The following EBF3 variants were observed in gnomAD, a reference collection of about 807,000 sequenced individuals.
EBF3 encodes transcription factor COE3.
Under a neutral mutation model 77.1 loss-of-function variants are expected in EBF3, and 18 were observed. The ratio of observed to expected loss-of-function variants is 0.23; its 90% confidence interval spans 0.16 to 0.35. The LOEUF (loss-of-function observed/expected upper bound fraction) is 0.35. EBF3 is among the 10% of genes least tolerant of loss of function. EBF3 has a pLI of 1.00. For synonymous variants in EBF3, 350 were observed against 343.5 expected, an observed-to-expected ratio of 1.02 and a Z score of -0.21; for missense variants, 558 against 860.0, an observed-to-expected ratio of 0.65 and a Z score of 4.39.
At position 129,963,550 on chromosome 10, in the gene EBF3, G is replaced by T. The variant is rs761181263; in HGVS notation, c.135-27C>A. 3.5e-6 allele frequency: 5 copies of T among 1,437,450 alleles called. No individual in the cohort carries two copies. The highest frequency in any genetic ancestry group is 2.4e-4 in the Middle Eastern group (1 of 4,112). 89.0% of individuals were successfully genotyped at this position (1,437,450 alleles called of 1,614,324 possible). A position where few individuals can be genotyped will look rare whatever the true frequency, so the allele number is the denominator to read the frequency against. On this transcript the variant is annotated intron_variant, in intron 1 of 16. Coordinates refer to ENST00000440978, the MANE Select transcript of EBF3 (RefSeq NM_001375380.1). The surrounding 1 kb of genome is among the most constrained non-coding windows in gnomAD (Gnocchi z 7.1). ...TGCGGGAGGAAAGAGACAGCGGCCC[G>T]GTGAGGAGCGCGGCGCCGGCCGGCG...
intron 6 of EBF3, among the ~76,000 whole-genome samples, chr10:129,886,087 T>A (rs989238083): frequency 3.3e-5 from 5 of 149,868 alleles, no homozygotes; most frequent in African/African-American, 1.2e-4. Context: ...GTGGGAAAGA[T>A]CTTGTTAATC....
chr10:129,922,375 C>A (rs974510897), intron 6 of EBF3, among the ~76,000 whole-genome samples: 1 of 152,214 alleles, frequency 6.6e-6, no homozygotes, highest in African/African-American at 2.4e-5. Flanking sequence ...CCACACAGGC[C>A]CCAGTGCCCA....
intron 6 of EBF3, among the ~76,000 whole-genome samples, chr10:129,886,231 T>G (rs1488397304): frequency 2.6e-5 from 4 of 152,202 alleles, no homozygotes; most frequent in African/African-American, 9.6e-5. Context: ...AGGACACCAG[T>G]GTTGGACCTG....
intron 6 of EBF3, among the ~76,000 whole-genome samples, chr10:129,953,589 G>C (rs757467975): frequency 6.6e-6 from 1 of 152,208 alleles, no homozygotes; most frequent in African/African-American, 2.4e-5. Context: ...CGAGTGGGAC[G>C]CCGGAGACGG....
chr10:129,949,016 G>C (rs1227551993), intron 6 of EBF3, among the ~76,000 whole-genome samples: 1 of 152,212 alleles, frequency 6.6e-6, no homozygotes, highest in Non-Finnish European at 1.5e-5. Context: ...AAACTTAAGA[G>C]GCACTCGTGC....
chr10:129,941,395 T>C (rs1857726190), intron 6 of EBF3, among the ~76,000 whole-genome samples: 1 of 152,146 alleles, frequency 6.6e-6, no homozygotes, highest in African/African-American at 2.4e-5. Context: ...TCACAAAAGG[T>C]GTGCCAGGCA....
chr10:129,895,306 C>T (rs1035696376), intron 6 of EBF3, among the ~76,000 whole-genome samples: 3 of 152,206 alleles, frequency 2.0e-5, no homozygotes, highest in African/African-American at 7.2e-5. Context: ...GGATGCCTCT[C>T]CCCCAGCCAG....
intron 6 of EBF3, among the ~76,000 whole-genome samples, chr10:129,880,579 T>C (rs569263233): frequency 7.9e-5 from 12 of 152,368 alleles, no homozygotes; most frequent in African/African-American, 2.9e-4. Flanking sequence ...TAGTTTCTGC[T>C]TCTATCCAAA....
rs891933712 is a variant in EBF3 at position 129,885,668 on chromosome 10, T to C, written c.555-7819A>G. 9.2e-5 allele frequency among the ~76,000 whole-genome samples: 14 copies of C among 152,184 alleles called. No homozygotes were observed. The highest frequency in any genetic ancestry group is 7.9e-4 in the Admixed American group (12 of 15,282). On this transcript the variant is annotated intron_variant, in intron 6 of 16. Coordinates refer to ENST00000440978, the MANE Select transcript of EBF3 (RefSeq NM_001375380.1). This position sits in a 1 kb window ranked among gnomAD's most constrained non-coding sequence, Gnocchi z 4.0. ...GCAGATCACGCGCCCTGTCAATCAG[T>C]CTGTATTTTGTCTTTCGCTGCGGGC...
intron 6 of EBF3, among the ~76,000 whole-genome samples, chr10:129,886,208 T>C (rs764045262): frequency 1.3e-5 from 2 of 152,236 alleles, no homozygotes; most frequent in Non-Finnish European, 2.9e-5. Context: ...AAATCAAGCC[T>C]GTGCATGCAC....
At chr10:129,891,761 C>T (rs1434120800) in intron 6 of EBF3, among the ~76,000 whole-genome samples, 1 of 152,226 alleles carries the variant, frequency 6.6e-6, no homozygotes, top group East Asian at 1.9e-4. Flanking sequence ...CAGAGGCCCA[C>T]AGCCCACTTT....
intron 4 of EBF3, among the ~76,000 whole-genome samples, chr10:129,961,857 C>G (rs1231941686): frequency 6.6e-6 from 1 of 152,024 alleles, no homozygotes; most frequent in Non-Finnish European, 1.5e-5. Context: ...GAGAGAGAAG[C>G]ATTTAAAAAT....
At chr10:129,960,073 G>T (rs1219157570) in intron 4 of EBF3, among the ~76,000 whole-genome samples, 5 of 151,764 alleles carry the variant, frequency 3.3e-5, no homozygotes, top group African/African-American at 1.2e-4. Flanking sequence ...CGCCCGCCCG[G>T]GCTGGGCCTC....
In EBF3 at chr10:129,943,943, C is replaced by T. The variant is rs1342678566; in HGVS notation, c.554+13315G>A. ...AAAACCAGTCGCTCTGAGGGTGCAGCGCGTGTGTCCATGGGTAAAATATCT... is the reference window on the plus strand; with the variant it reads ...AAAACCAGTCGCTCTGAGGGTGCAGTGCGTGTGTCCATGGGTAAAATATCT... On this transcript the variant is annotated intron_variant, in intron 6 of 16. Coordinates refer to ENST00000440978, the MANE Select transcript of EBF3 (RefSeq NM_001375380.1). This position sits in a 1 kb window ranked among gnomAD's most constrained non-coding sequence, Gnocchi z 8.8. Among the ~76,000 whole-genome samples the T allele has an allele frequency of 6.6e-6, 1 of 152,168 alleles. No individual in the cohort carries two copies. Among genetic ancestry groups the T allele is most frequent in the Non-Finnish European group, 1.5e-5 (1 of 68,032 alleles).
chr10:129,962,299 G>C (rs1859586080), intron 3 of EBF3, 73 bp from the exon 4 acceptor site: 9 of 1,469,018 alleles, frequency 6.1e-6, no homozygotes, highest in Admixed American at 1.7e-5. Flanking sequence ...CGGAGCACAG[G>C]AAGTCTGTAA....
At chr10:129,844,313 AAAGT>A (rs1341331250) in intron 11 of EBF3, among the ~76,000 whole-genome samples, 3 of 152,254 alleles carry the variant, frequency 2.0e-5, no homozygotes, top group African/African-American at 7.2e-5. Context: ...GACTGGACAA[AAAGT>A]AAGGCAGGTG....
rs558112824 is a variant in EBF3, at chr10:129,932,366, A to G, written c.554+24892T>C. Among the ~76,000 whole-genome samples the G allele has an allele frequency of 1.2e-4, 19 of 152,316 alleles. No individual in the cohort carries two copies. The East Asian group carries it at 3.1e-3, about 25-fold the overall frequency. ...CCCCTGCAACAAGGCGACAAGGGCC[A>G]CTTGCTTGGCATGTGGCAAAGGGTG... On this transcript the variant is annotated intron_variant, in intron 6 of 16. Coordinates refer to ENST00000440978, the MANE Select transcript of EBF3 (RefSeq NM_001375380.1).
At chr10:129,851,007 C>T (rs970932990) in intron 10 of EBF3, among the ~76,000 whole-genome samples, 3 of 152,342 alleles carry the variant, frequency 2.0e-5, no homozygotes, top group African/African-American at 7.2e-5. Flanking sequence ...CACGTCCAGT[C>T]ACAGAGCCCC....
chr10:129,929,368 G>T (rs1176799379), intron 6 of EBF3, among the ~76,000 whole-genome samples: 1 of 151,724 alleles, frequency 6.6e-6, no homozygotes, highest in Non-Finnish European at 1.5e-5. Flanking sequence ...CCCACACCCA[G>T]GTAATTTTTG....
Sources: gnomAD v4.1 joint callset for allele counts (sites outside exome capture counted in the v4.1 genomes callset) on GRCh38, gnomAD v4.1.1 for gene constraint, Gnocchi (gnomAD v3.1) non-coding constraint, MANE v1.5 for transcripts, NCBI Gene and HGNC (gene_info 2026-07-23, HGNC 2026-07-21) for gene names.